HPSE2: variants seen among roughly 807,000 people sequenced by gnomAD.
The protein encoded by HPSE2 is inactive heparanase-2.
Under a neutral mutation model 60.5 loss-of-function variants are expected in HPSE2, and 38 were observed. The observed-to-expected ratio is 0.63, with a 90% CI of 0.48 to 0.82. The LOEUF is 0.82. Ranked by LOEUF, HPSE2 falls within the 40% of genes least tolerant of loss-of-function variation. The pLI, the probability that HPSE2 is intolerant of heterozygous loss-of-function variation, is 0.00. For synonymous variants in HPSE2, 295 were observed against 293.2 expected, an observed-to-expected ratio of 1.01 and a Z score of -0.06; for missense variants, 713 against 740.4, an observed-to-expected ratio of 0.96 and a Z score of 0.43.
intron 5 of HPSE2, among the ~76,000 whole-genome samples, chr10:98,698,982 A>C (rs1306260704): frequency 6.6e-6 from 1 of 152,208 alleles, no homozygotes; most frequent in Non-Finnish European, 1.5e-5. Context: ...CAGGCTCTGA[A>C]ATTGTGGCAA....
rs1845448279 is a variant in HPSE2 at position 99,132,208 on chromosome 10, AGAGAGAGAGAGAG to A, written c.610+12017_610+12029del. On this transcript the variant is annotated intron_variant, in intron 3 of 11. Coordinates refer to ENST00000370552, the MANE Select transcript of HPSE2 (RefSeq NM_021828.5). The stretch of plus-strand genomic sequence containing the variant: ...AAGAAAGAAAGAGAGAGAGAGAGAG[AGAGAGAGAGAGAG>A]AGAGAGAGAGAGAGAGAGAGAGAAA... 1.8e-4 allele frequency among the ~76,000 whole-genome samples: 4 copies of A among 22,806 alleles called. 1 individual carries two copies. Among genetic ancestry groups the A allele is most frequent in the African/African-American group, 2.7e-4 (4 of 14,674 alleles). 15.0% of individuals were successfully genotyped at this position (22,806 alleles called of 152,430 possible).
chr10:98,525,506 C>A (rs962841599), intron 9 of HPSE2, among the ~76,000 whole-genome samples: 1 of 152,194 alleles, frequency 6.6e-6, no homozygotes, highest in Non-Finnish European at 1.5e-5. Flanking sequence ...CCTAAGGGAG[C>A]CCCACAGTGG....
In HPSE2 at chr10:98,799,705, A is replaced by C. The variant is rs540410889; in HGVS notation, c.611-55649T>G. Among the ~76,000 whole-genome samples the C allele has an allele frequency of 5.3e-5, 8 of 152,322 alleles. No individual in the cohort carries two copies. The East Asian group carries it at 1.2e-3, about 22-fold the overall frequency. ...TGACAAGTAAGTCCATGAAGGAATTAAGAAAATTGCAAAATTTCTTGAAAA... is the reference window on the plus strand; with the variant it reads ...TGACAAGTAAGTCCATGAAGGAATTCAGAAAATTGCAAAATTTCTTGAAAA... On this transcript the variant is annotated intron_variant, in intron 3 of 11. Coordinates refer to ENST00000370552, the MANE Select transcript of HPSE2 (RefSeq NM_021828.5).
At chr10:99,234,316 C>G (rs1849767991) in intron 1 of HPSE2, among the ~76,000 whole-genome samples, 1 of 152,176 alleles carries the variant, frequency 6.6e-6, no homozygotes. Flanking sequence ...TCCGCAGACC[C>G]GACCCGGGCC....
chr10:98,561,163 T>TGG (rs1424693164), intron 9 of HPSE2, among the ~76,000 whole-genome samples: 1 of 47,998 alleles, frequency 2.1e-5, no homozygotes, highest in Non-Finnish European at 6.5e-5. Flanking sequence ...GTTTTTTTTT[T>TGG]TGTTCTTTTT....
the HPSE2 span, among the ~76,000 whole-genome samples, chr10:99,312,123 T>A: frequency 6.6e-6 from 1 of 152,144 alleles, no homozygotes; most frequent in Non-Finnish European, 1.5e-5. Context: ...AAAAAAGCCA[T>A]CTCCATAACA....
intron 3 of HPSE2, among the ~76,000 whole-genome samples, chr10:98,863,601 G>T (rs1191976482): frequency 7.9e-5 from 12 of 152,252 alleles, no homozygotes; most frequent in Admixed American, 2.6e-4. Context: ...TTCAAGTTTA[G>T]AAAGGGATCG....
chr10:98,528,890 A>G (rs1254391501), intron 9 of HPSE2, among the ~76,000 whole-genome samples: 1 of 152,214 alleles, frequency 6.6e-6, no homozygotes, highest in Non-Finnish European at 1.5e-5. Context: ...ACTCATAGCA[A>G]ACCTCAGTCA....
At position 98,531,042 on chromosome 10, in the gene HPSE2, G is replaced by A. The variant is rs545477148; in HGVS notation, c.1321-40846C>T. The stretch of plus-strand genomic sequence containing the variant: ...ATTAACTGAATATATCTCCGTGCCA[G>A]GCACTATACTATGGAAGTTAGGGAC... On this transcript the variant is annotated intron_variant, in intron 9 of 11. Coordinates refer to ENST00000370552, the MANE Select transcript of HPSE2 (RefSeq NM_021828.5). Among the ~76,000 whole-genome samples, 14 of 152,238 alleles carry A rather than the reference G, an allele frequency of 9.2e-5. No individual in the cohort carries two copies. The East Asian group carries it at 2.7e-3, about 29-fold the overall frequency.
chr10:98,781,676 G>T (rs1198093976), intron 3 of HPSE2, among the ~76,000 whole-genome samples: 2 of 151,662 alleles, frequency 1.3e-5, no homozygotes, highest in African/African-American at 4.8e-5. Context: ...CACCAAATTG[G>T]CAGAATAATT....
At chr10:98,530,853 G>A (rs376174242) in intron 9 of HPSE2, among the ~76,000 whole-genome samples, 7 of 152,122 alleles carry the variant, frequency 4.6e-5, no homozygotes, top group African/African-American at 1.4e-4. Context: ...AAGACTCCAG[G>A]AGGAGCGAGT....
intron 3 of HPSE2, among the ~76,000 whole-genome samples, chr10:99,009,240 CAAAAAAA>C (rs56775967): frequency 2.7e-5 from 2 of 74,422 alleles, no homozygotes; most frequent in Non-Finnish European, 4.5e-5. Flanking sequence ...CCAGTGTCTA[CAAAAAAA>C]AAAAAAAAAA....
intron 3 of HPSE2, among the ~76,000 whole-genome samples, chr10:99,056,986 A>T (rs1246057033): frequency 6.6e-6 from 1 of 152,180 alleles, no homozygotes; most frequent in East Asian, 1.9e-4. Context: ...AAGAAACAAA[A>T]GAGTACGTAT....
chr10:99,288,655 C>G, the HPSE2 span, among the ~76,000 whole-genome samples: 2 of 142,688 alleles, frequency 1.4e-5, no homozygotes, highest in Non-Finnish European at 3.0e-5. Context: ...TGAAGGGGGA[C>G]ACTGGGAACT....
At chr10:99,042,086 C>G (rs1009347508) in intron 3 of HPSE2, among the ~76,000 whole-genome samples, 4 of 152,206 alleles carry the variant, frequency 2.6e-5, no homozygotes, top group Non-Finnish European at 5.9e-5. Context: ...TTCAGTGTTT[C>G]TCTGGGGTGG....
chr10:98,765,618 T>A (rs1188238890), intron 3 of HPSE2, among the ~76,000 whole-genome samples: 1 of 151,864 alleles, frequency 6.6e-6, no homozygotes, highest in African/African-American at 2.4e-5. Flanking sequence ...GACGGGTGGA[T>A]CATGAGGTCA....
intron 3 of HPSE2, among the ~76,000 whole-genome samples, chr10:98,908,938 C>G (rs1245319648): frequency 6.6e-6 from 1 of 152,110 alleles, no homozygotes; most frequent in African/African-American, 2.4e-5. Flanking sequence ...AGCTTTGTCA[C>G]TCCCCTGGCC....
rs5787319 is a variant in HPSE2 at position 99,011,754 on chromosome 10, C to CAAAA, written c.610+132480_610+132483dup. ...CTGGCGACAGAGCAAGACTCCATCTCAAAAAAAAAAAAAAAAAAAATGCTC... is the reference window on the plus strand; with the variant it reads ...CTGGCGACAGAGCAAGACTCCATCTCAAAAAAAAAAAAAAAAAAAAAAAATGCTC... On this transcript the variant is annotated intron_variant, in intron 3 of 11. Coordinates refer to ENST00000370552, the MANE Select transcript of HPSE2 (RefSeq NM_021828.5). 1.9e-3 allele frequency among the ~76,000 whole-genome samples: 173 copies of CAAAA among 92,544 alleles called. 3 individuals are homozygous for CAAAA. Among genetic ancestry groups the CAAAA allele is most frequent in the African/African-American group, 3.5e-3 (77 of 22,218 alleles). The allele number at this position is 92,544 out of a possible 152,430, so 60.7% of individuals were successfully genotyped here. A position where few individuals can be genotyped will look rare whatever the true frequency, so the allele number is the denominator to read the frequency against.
At chr10:99,047,344 T>C (rs1053215262) in intron 3 of HPSE2, among the ~76,000 whole-genome samples, 6 of 152,106 alleles carry the variant, frequency 3.9e-5, no homozygotes, top group African/African-American at 1.2e-4. Flanking sequence ...AAAATGTAAA[T>C]GGAAAATCTC....
Sources: allele counts gnomAD v4.1 joint callset (sites outside exome capture counted in the v4.1 genomes callset), GRCh38; gene constraint gnomAD v4.1.1; transcripts MANE v1.5; gene names NCBI Gene and HGNC (gene_info 2026-07-23, HGNC 2026-07-21).